DACH1: variants seen among roughly 807,000 people sequenced by gnomAD.
DACH1 encodes the protein dachshund family transcription factor 1.
Under a neutral mutation model 54.2 loss-of-function variants are expected in DACH1, and 12 were observed. The ratio of observed to expected loss-of-function variants is 0.22; its 90% CI spans 0.14 to 0.36. The LOEUF is 0.36. DACH1 is among the 10% of genes least tolerant of loss of function. DACH1 has a pLI of 1.00. For synonymous variants in DACH1, 386 were observed against 366.2 expected, an observed-to-expected ratio of 1.05 and a Z score of -0.62; for missense variants, 805 against 929.8, an observed-to-expected ratio of 0.87 and a Z score of 1.75.
In DACH1 at chr13:71,866,852, G is replaced by A. The variant is rs965003281; in HGVS notation, c.-83C>T. The A allele has an allele frequency of 2.8e-5, 31 of 1,117,794 alleles. No individual in the cohort carries two copies. The highest frequency in any genetic ancestry group is 9.6e-5 in the Admixed American group (2 of 20,804). 69.2% of individuals were successfully genotyped at this position (1,117,794 alleles called of 1,614,324 possible). A position where few individuals can be genotyped will look rare whatever the true frequency, so the allele number is the denominator to read the frequency against. The stretch of plus-strand genomic sequence containing the variant: ...CCCCGGGAGGGGAAGGGGAAAAAAG[G>A]GGGGAGAAGGAGCGAGGGGGGCAAC... On this transcript the variant is annotated 5_prime_UTR_variant, in exon 1 of 11. Transcript: ENST00000613252.
chr13:71,866,708 G>A lies in DACH1; in HGVS notation c.62C>T (p.Ser21Phe), dbSNP rs768317339. ...TQLVPPQPPI[S>F]TSASSSGTTT... The stretch of plus-strand genomic sequence containing the variant: ...GGTGCCAGAGGAGGAAGCAGACGTG[G>A]AGATTGGGGGTTGAGGGGGGACCAG... The change falls in exon 1 of 11, where the codon TCC becomes TTC. Residue 21 changes from serine (S) to phenylalanine (F), a missense_variant. Physicochemically the swap from Ser to Phe is radical, Grantham distance 155. Around this residue, in one of 3 missense-constraint regions of DACH1, gnomAD observed 305 missense variants for 308.7 expected, o/e 0.99. Coordinates refer to ENST00000613252, the MANE Select transcript of DACH1 (RefSeq NM_080759.6). 2.8e-6 allele frequency: 4 copies of A among 1,453,858 alleles called. No individual in the cohort carries two copies. In the Admixed American group the frequency reaches 8.9e-5, roughly 32 times the overall value. The allele number at this position is 1,453,858 out of a possible 1,614,324, so 90.1% of individuals were successfully genotyped here.
At chr13:71,525,272 G>A (rs1452371642) in intron 6 of DACH1, among the ~76,000 whole-genome samples, 1 of 152,106 alleles carries the variant, frequency 6.6e-6, no homozygotes. Context: ...CCAGCTGTAT[G>A]AGGGAAGCTT....
intron 10 of DACH1, among the ~76,000 whole-genome samples, chr13:71,466,985 C>G (rs1410322324): frequency 2.0e-5 from 3 of 151,400 alleles, no homozygotes; most frequent in Admixed American, 6.6e-5. Context: ...ACAATGGTTT[C>G]TTTTTCGTAA....
At chr13:71,503,965 C>T (rs1880120723) in intron 6 of DACH1, among the ~76,000 whole-genome samples, 1 of 152,120 alleles carries the variant, frequency 6.6e-6, no homozygotes, top group African/African-American at 2.4e-5. Flanking sequence ...TCATTGTCAG[C>T]ATTCTTCCCT....
intron 1 of DACH1, among the ~76,000 whole-genome samples, chr13:71,770,766 C>T (rs1885819697): frequency 6.6e-6 from 1 of 151,376 alleles, no homozygotes. Context: ...TAGTAAATTC[C>T]ATGTAAGCAT....
intron 3 of DACH1, among the ~76,000 whole-genome samples, chr13:71,600,607 T>C (rs1874422863): frequency 6.6e-6 from 1 of 151,764 alleles, no homozygotes; most frequent in African/African-American, 2.4e-5. Context: ...ATAAGCACAA[T>C]AAAAATCAAG....
intron 1 of DACH1, among the ~76,000 whole-genome samples, chr13:71,767,903 A>T (rs9599875): frequency 0.28 from 42,410 of 151,788 alleles, 6,251 homozygotes; most frequent in African/African-American, 0.3. Flanking sequence ...TAATATAATT[A>T]AAAATATTAT....
At chr13:71,715,098 C>T (rs1882905016) in intron 1 of DACH1, among the ~76,000 whole-genome samples, 1 of 152,074 alleles carries the variant, frequency 6.6e-6, no homozygotes, top group Admixed American at 6.6e-5. Context: ...AGCTGACTGG[C>T]CCAACAGCAT....
At chr13:71,465,212 G>A (rs1876460452) in intron 10 of DACH1, among the ~76,000 whole-genome samples, 1 of 151,892 alleles carries the variant, frequency 6.6e-6, no homozygotes, top group Admixed American at 6.6e-5. Context: ...ATATATACAT[G>A]CTATCAAATT....
intron 1 of DACH1, among the ~76,000 whole-genome samples, chr13:71,760,356 C>A (rs1219630670): frequency 6.6e-6 from 1 of 152,120 alleles, no homozygotes; most frequent in Non-Finnish European, 1.5e-5. Flanking sequence ...CACTTATCTC[C>A]AGAAGAAAAA....
intron 1 of DACH1, among the ~76,000 whole-genome samples, chr13:71,686,614 T>C (rs1266246920): frequency 6.6e-6 from 1 of 152,206 alleles, no homozygotes; most frequent in Non-Finnish European, 1.5e-5. Flanking sequence ...TTTATAGAAT[T>C]TTCAATATCC....
chr13:71,859,627 T>G (rs1874226109), intron 1 of DACH1, among the ~76,000 whole-genome samples: 1 of 151,894 alleles, frequency 6.6e-6, no homozygotes. Context: ...TCTTAACAGA[T>G]TCTCAGAAAC....
intron 1 of DACH1, among the ~76,000 whole-genome samples, chr13:71,819,760 A>G (rs927231990): frequency 6.6e-6 from 1 of 152,156 alleles, no homozygotes; most frequent in African/African-American, 2.4e-5. Flanking sequence ...CTAAGTATCC[A>G]CTAGTGAAAA....
chr13:71,533,733 TTCTCTC>T (rs372180782), intron 6 of DACH1, among the ~76,000 whole-genome samples: 1 of 149,476 alleles, frequency 6.7e-6, no homozygotes, highest in African/African-American at 2.5e-5. Context: ...CTCTGTCTCA[TTCTCTC>T]TCTCTCTCTG....
intron 1 of DACH1, among the ~76,000 whole-genome samples, chr13:71,702,613 T>C (rs1882200503): frequency 6.6e-6 from 1 of 152,068 alleles, no homozygotes; most frequent in African/African-American, 2.4e-5. Flanking sequence ...CAATGCTGAT[T>C]AAAAAAAGAA....
rs554623686 is a variant in DACH1, at chr13:71,741,327, T to A, written c.849-59417A>T. Among the ~76,000 whole-genome samples the A allele has an allele frequency of 3.2e-3, 482 of 152,288 alleles. 5 individuals are homozygous for A. Among genetic ancestry groups the A allele is most frequent in the African/African-American group, 0.011 (467 of 41,582 alleles). ...AAAATGCCCACAAGGAAATGCCTTA[T>A]CAGATACTGCTAAGTAAGGACAGGC... On this transcript the variant is annotated intron_variant, in intron 1 of 10. Transcript: ENST00000613252.
At position 71,799,691 on chromosome 13, in the gene DACH1, C is replaced by A. The variant is rs73491934; in HGVS notation, c.848+66231G>T. 4.0e-3 allele frequency among the ~76,000 whole-genome samples: 610 copies of A among 152,192 alleles called. 1 individual carries two copies. The highest frequency in any genetic ancestry group is 0.014 in the African/African-American group (591 of 41,536). On this transcript the variant is annotated intron_variant, in intron 1 of 10. Coordinates refer to ENST00000613252, the MANE Select transcript of DACH1 (RefSeq NM_080759.6). ...CCAACTAAGTAGAAGTGGCCCAAAT[C>A]TGGCCATGTGGTTTTGCAAATTGCC...
intron 2 of DACH1, among the ~76,000 whole-genome samples, chr13:71,663,426 T>C (rs1879635749): frequency 6.6e-6 from 1 of 151,752 alleles, no homozygotes; most frequent in Non-Finnish European, 1.5e-5. Context: ...AGACAGACAA[T>C]TCAAATTTGA....
rs557049206 is a variant in DACH1 at position 71,465,612 on chromosome 13, C to T, written c.2083+9529G>A. 3.9e-5 allele frequency among the ~76,000 whole-genome samples: 6 copies of T among 152,038 alleles called. No homozygotes were observed. The East Asian group carries it at 7.7e-4, about 20-fold the overall frequency. On this transcript the variant is annotated intron_variant, in intron 10 of 10. Coordinates refer to ENST00000613252, the MANE Select transcript of DACH1 (RefSeq NM_080759.6). The stretch of plus-strand genomic sequence containing the variant: ...TTTTGTTGTGATGATGTTTGATGAA[C>T]AAGTTAATTGGATAACTTGCTCCAA...
Sources: allele counts gnomAD v4.1 joint callset (sites outside exome capture counted in the v4.1 genomes callset), GRCh38; gene constraint gnomAD v4.1.1; regional missense constraint gnomAD v4.1.1; transcripts MANE v1.5; gene names NCBI Gene and HGNC (gene_info 2026-07-23, HGNC 2026-07-21).